The following SLC6A11 variants were observed in gnomAD, a reference collection of about 807,000 sequenced individuals.
SLC6A11 encodes the protein sodium- and chloride-dependent GABA transporter 3.
Under a neutral mutation model 74.8 loss-of-function variants are expected in SLC6A11, and 25 were observed. The observed-to-expected ratio is 0.33, with a 90% CI of 0.24 to 0.47. The LOEUF is 0.47. Among genes scored for constraint, SLC6A11 ranks in the 20% least tolerant of loss-of-function variants. SLC6A11 has a pLI of 1.00. For synonymous variants in SLC6A11, 330 were observed against 330.2 expected, an observed-to-expected ratio of 1.00 and a Z score of 0.01; for missense variants, 574 against 837.0, an observed-to-expected ratio of 0.69 and a Z score of 3.88.
intron 7 of SLC6A11, among the ~76,000 whole-genome samples, chr3:10,916,100 A>G (rs930605489): frequency 2.6e-5 from 4 of 152,206 alleles, no homozygotes. Context: ...GTATCATCCA[A>G]TGTCCACTAT....
rs1695607347 is a variant in SLC6A11, at chr3:10,926,366, CTG to C, written c.1233+252_1233+253del. On this transcript the variant is annotated intron_variant, in intron 9 of 13. Coordinates refer to ENST00000254488, the MANE Select transcript of SLC6A11 (RefSeq NM_014229.3). The surrounding 1 kb of genome is among the most constrained non-coding windows in gnomAD (Gnocchi z 5.7). The stretch of plus-strand genomic sequence containing the variant: ...CGGCCCCTCTAAGCCTTCCCAAACA[CTG>C]TTTTCCTTACCGGAATTCCCAACTC... Among the ~76,000 whole-genome samples, 1 of 152,206 alleles carries C rather than the reference CTG, an allele frequency of 6.6e-6. No homozygotes were observed. Among genetic ancestry groups the C allele is most frequent in the East Asian group, 1.9e-4 (1 of 5,198 alleles).
intron 5 of SLC6A11, among the ~76,000 whole-genome samples, chr3:10,872,233 T>A (rs927239320): frequency 5.9e-5 from 9 of 152,340 alleles, no homozygotes; most frequent in African/African-American, 1.7e-4. Flanking sequence ...CCTGGGCAAG[T>A]TATGAGTAAC....
At chr3:10,857,932 A>G (rs76178930) in intron 5 of SLC6A11, among the ~76,000 whole-genome samples, 6,121 of 152,372 alleles carry the variant, frequency 0.04, 177 homozygotes, top group Middle Eastern at 0.078. Context: ...ACAAGAAAAC[A>G]TAATGAAGTA....
chr3:10,868,867 A>G (rs1378176397), intron 5 of SLC6A11, among the ~76,000 whole-genome samples: 1 of 152,238 alleles, frequency 6.6e-6, no homozygotes, highest in African/African-American at 2.4e-5. Flanking sequence ...TGCCCTCTGT[A>G]TATGACCTGG....
chr3:10,886,649 A>G (rs992420429), intron 6 of SLC6A11, among the ~76,000 whole-genome samples: 4 of 152,208 alleles, frequency 2.6e-5, no homozygotes, highest in African/African-American at 9.7e-5. Context: ...TCTACTAAAA[A>G]TACAAAAATT....
intron 6 of SLC6A11, among the ~76,000 whole-genome samples, chr3:10,886,245 A>G (rs1695040950): frequency 6.6e-6 from 1 of 152,206 alleles, no homozygotes; most frequent in Non-Finnish European, 1.5e-5. Context: ...GACCAGAAGC[A>G]GAGATCGACT....
intron 8 of SLC6A11, among the ~76,000 whole-genome samples, chr3:10,920,594 G>A (rs1369770438): frequency 2.6e-5 from 4 of 152,222 alleles, no homozygotes; most frequent in African/African-American, 9.7e-5. Context: ...ACTACCTCAT[G>A]AAATGCTCCT....
chr3:10,842,275 T>C (rs1188962563), intron 4 of SLC6A11, among the ~76,000 whole-genome samples: 1 of 152,200 alleles, frequency 6.6e-6, no homozygotes, highest in African/African-American at 2.4e-5. Context: ...CACTCCTTCA[T>C]TACCAAGAAA....
At chr3:10,854,692 G>A (rs1575677187) in intron 5 of SLC6A11, among the ~76,000 whole-genome samples, 3 of 152,194 alleles carry the variant, frequency 2.0e-5, no homozygotes, top group Admixed American at 2.0e-4. Flanking sequence ...GAGCCAAGAC[G>A]CGGATGCAGA....
At position 10,847,696 on chromosome 3, in the gene SLC6A11, G is replaced by A. The variant is rs150752261; in HGVS notation, c.756+3350G>A. On this transcript the variant is annotated intron_variant, in intron 5 of 13. Transcript: ENST00000254488. ...GATGAGGTTCTGTGGGGGCACATCC[G>A]GCAGTTTAGAGAAACCCGAAGTCCG... is the stretch of plus-strand genomic sequence containing the variant. 1.4e-3 allele frequency among the ~76,000 whole-genome samples: 216 copies of A among 152,238 alleles called. 1 individual carries two copies. Among genetic ancestry groups the A allele is most frequent in the African/African-American group, 4.8e-3 (200 of 41,556 alleles).
intron 5 of SLC6A11, among the ~76,000 whole-genome samples, chr3:10,862,184 C>T (rs1478351719): frequency 6.6e-6 from 1 of 152,180 alleles, no homozygotes; most frequent in African/African-American, 2.4e-5. Context: ...TGACACCAGC[C>T]TTCTAGTCTA....
At chr3:10,877,566 C>T (rs542622608) in intron 6 of SLC6A11, among the ~76,000 whole-genome samples, 25 of 152,306 alleles carry the variant, frequency 1.6e-4, no homozygotes, top group African/African-American at 5.5e-4. Context: ...CCTCCATGAT[C>T]AGCCACAACC....
rs564087960 is a variant in SLC6A11, at chr3:10,856,391, G to A, written c.756+12045G>A. Among the ~76,000 whole-genome samples, 25 of 152,358 alleles carry A rather than the reference G, an allele frequency of 1.6e-4. No individual in the cohort carries two copies. The East Asian group carries it at 3.7e-3, about 22-fold the overall frequency. ...CCTTCCTGCTGAGCTGAGGCACATC[G>A]TTTGCAGAGCACCTGCCACATGCTG... On this transcript the variant is annotated intron_variant, in intron 5 of 13. Coordinates refer to ENST00000254488, the MANE Select transcript of SLC6A11 (RefSeq NM_014229.3).
chr3:10,917,903 C>T (rs1416825920), intron 7 of SLC6A11, among the ~76,000 whole-genome samples: 1 of 152,196 alleles, frequency 6.6e-6, no homozygotes, highest in Non-Finnish European at 1.5e-5. Flanking sequence ...CATGGTTTCT[C>T]CCCTGGCTGA....
chr3:10,897,154 A>C (rs1695181506), intron 6 of SLC6A11, among the ~76,000 whole-genome samples: 1 of 152,156 alleles, frequency 6.6e-6, no homozygotes, highest in Non-Finnish European at 1.5e-5. Flanking sequence ...CTCCCACCAG[A>C]TCCCTCCTAT....
At chr3:10,876,764 C>CCA in intron 6 of SLC6A11, among the ~76,000 whole-genome samples, 1 of 96,246 alleles carries the variant, frequency 1.0e-5, no homozygotes, top group African/African-American at 3.9e-5. Context: ...CCACCTCCCA[C>CCA]ACAGAGAGAG....
intron 4 of SLC6A11, among the ~76,000 whole-genome samples, chr3:10,825,996 A>T (rs1390448664): frequency 6.6e-6 from 1 of 152,238 alleles, no homozygotes; most frequent in Non-Finnish European, 1.5e-5. Context: ...CTTCTAAATG[A>T]ATTTCAGAAT....
At chr3:10,931,155 C>T (rs2106633667) in intron 10 of SLC6A11, among the ~76,000 whole-genome samples, 1 of 152,320 alleles carries the variant, frequency 6.6e-6, no homozygotes, top group South Asian at 2.1e-4. Flanking sequence ...GTTCAATCCT[C>T]AGCCCTTGAC....
intron 5 of SLC6A11, among the ~76,000 whole-genome samples, chr3:10,871,614 C>G (rs1482036830): frequency 1.3e-5 from 2 of 152,132 alleles, no homozygotes; most frequent in African/African-American, 4.8e-5. Flanking sequence ...ATCATAGATG[C>G]TGTGTATAAA....
Sources: allele counts gnomAD v4.1 joint callset (sites outside exome capture counted in the v4.1 genomes callset), GRCh38; gene constraint gnomAD v4.1.1; non-coding constraint Gnocchi (gnomAD v3.1); transcripts MANE v1.5; gene names NCBI Gene and HGNC (gene_info 2026-07-23, HGNC 2026-07-21).